DIS3L2: variants seen among roughly 807,000 people sequenced by gnomAD.
The protein encoded by DIS3L2 is DIS3 like 3'-5' exoribonuclease 2.
In DIS3L2, 34 loss-of-function variants were observed where a neutral mutation model predicts 97.5. That is an observed-to-expected ratio of 0.35 (90% confidence interval 0.27 to 0.46). The LOEUF (loss-of-function observed/expected upper bound fraction) is 0.46. Among genes scored for constraint, DIS3L2 ranks in the 20% least tolerant of loss-of-function variants. The probability of loss-of-function intolerance (pLI) is 1.00; values close to 1 mark genes in which losing one functional copy is unlikely to be tolerated. For synonymous variants in DIS3L2, 435 were observed against 445.2 expected, an observed-to-expected ratio of 0.98 and a Z score of 0.29; for missense variants, 1,038 against 1,146.0, an observed-to-expected ratio of 0.91 and a Z score of 1.36.
intron 10 of DIS3L2, among the ~76,000 whole-genome samples, chr2:232,211,103 C>G: frequency 6.6e-6 from 1 of 151,900 alleles, no homozygotes; most frequent in Non-Finnish European, 1.5e-5. Flanking sequence ...GTGAACCCTT[C>G]CAATCCCTCC....
At chr2:232,189,886 C>T (rs868070694) in intron 9 of DIS3L2, among the ~76,000 whole-genome samples, 41 of 152,022 alleles carry the variant, frequency 2.7e-4, no homozygotes, top group Admixed American at 6.6e-5. Context: ...ATTATCGCAA[C>T]ATAAAAGATT....
At chr2:232,182,732 A>G (rs1381912244) in intron 9 of DIS3L2, among the ~76,000 whole-genome samples, 1 of 151,912 alleles carries the variant, frequency 6.6e-6, no homozygotes, top group Non-Finnish European at 1.5e-5. Context: ...TAGTTTGGCT[A>G]CTCCAGCTCT....
In DIS3L2 at chr2:231,991,332, G is replaced by A. The variant is rs1258026132; in HGVS notation, c.-93-23503G>A. Among the ~76,000 whole-genome samples the A allele has an allele frequency of 2.0e-5, 3 of 152,210 alleles. No homozygotes were observed. The East Asian group carries it at 5.8e-4, about 29-fold the overall frequency. ...CTGTCTCCTAGGCTGGAGTGCAATG[G>A]CACTATCATAGCTTACTGCACTCTT... On this transcript the variant is annotated intron_variant, in intron 1 of 20. Transcript: ENST00000325385.
At chr2:232,286,922 G>A (rs1012505401) in intron 13 of DIS3L2, among the ~76,000 whole-genome samples, 1 of 152,150 alleles carries the variant, frequency 6.6e-6, no homozygotes, top group Non-Finnish European at 1.5e-5. Context: ...TGGGATTACA[G>A]GCGTGAGCCA....
At chr2:232,164,714 C>A (rs1164388699) in intron 9 of DIS3L2, among the ~76,000 whole-genome samples, 1 of 152,132 alleles carries the variant, frequency 6.6e-6, no homozygotes, top group African/African-American at 2.4e-5. Flanking sequence ...TAGTATCTCT[C>A]ATAGAACACA....
At chr2:232,048,801 CATT>C (rs1262758821) in intron 5 of DIS3L2, among the ~76,000 whole-genome samples, 5 of 151,604 alleles carry the variant, frequency 3.3e-5, no homozygotes, top group Middle Eastern at 3.5e-3. Context: ...TGTTTATTAT[CATT>C]GTTGTTATAG....
chr2:232,251,194 CAG>C (rs1482779213), intron 12 of DIS3L2, among the ~76,000 whole-genome samples: 2 of 152,022 alleles, frequency 1.3e-5, no homozygotes, highest in Non-Finnish European at 2.9e-5. Flanking sequence ...AGTAAACAAA[CAG>C]AAAATGAAGT....
intron 9 of DIS3L2, among the ~76,000 whole-genome samples, chr2:232,177,129 A>T (rs1396909656): frequency 1.4e-5 from 2 of 147,266 alleles, no homozygotes; most frequent in African/African-American, 5.0e-5. Flanking sequence ...TACAAAGGAC[A>T]TAAACTCATC....
intron 1 of DIS3L2, among the ~76,000 whole-genome samples, chr2:231,986,285 A>AAACT (rs999606079): frequency 1.7e-4 from 26 of 152,284 alleles, no homozygotes; most frequent in Middle Eastern, 3.4e-3. Flanking sequence ...TTTCCTTAAT[A>AAACT]AACTCCCTTT....
intron 13 of DIS3L2, among the ~76,000 whole-genome samples, chr2:232,342,931 C>T (rs1031006773): frequency 2.0e-5 from 3 of 149,900 alleles, no homozygotes; most frequent in Non-Finnish European, 4.4e-5. Flanking sequence ...TTGCTGGGCA[C>T]AGATCAAAGA....
intron 12 of DIS3L2, among the ~76,000 whole-genome samples, chr2:232,262,883 T>C (rs1693747333): frequency 6.6e-6 from 1 of 152,150 alleles, no homozygotes; most frequent in Non-Finnish European, 1.5e-5. Context: ...CTACTCTCAG[T>C]GTCGACATTG....
chr2:232,200,773 C>A (rs982478104), intron 9 of DIS3L2, among the ~76,000 whole-genome samples: 1 of 149,410 alleles, frequency 6.7e-6, no homozygotes, highest in Non-Finnish European at 1.5e-5. Flanking sequence ...AAACCATTGA[C>A]CAAAAGGTTT....
chr2:232,313,172 A>G (rs1043875469), intron 14 of DIS3L2, among the ~76,000 whole-genome samples: 2 of 152,192 alleles, frequency 1.3e-5, no homozygotes, highest in Admixed American at 1.3e-4. Flanking sequence ...TCCTGATCTC[A>G]AACAGAAGAG....
At chr2:232,136,928 T>C (rs1698376801) in intron 8 of DIS3L2, among the ~76,000 whole-genome samples, 1 of 152,222 alleles carries the variant, frequency 6.6e-6, no homozygotes, top group African/African-American at 2.4e-5. Flanking sequence ...GCAGTCACAT[T>C]CTTGTTTTTG....
At chr2:232,241,222 T>G (rs1423765472) in intron 11 of DIS3L2, among the ~76,000 whole-genome samples, 3 of 152,260 alleles carry the variant, frequency 2.0e-5, no homozygotes, top group African/African-American at 7.2e-5. Flanking sequence ...TCACTTTACT[T>G]TGCCTATAAA....
intron 1 of DIS3L2, among the ~76,000 whole-genome samples, chr2:232,012,579 G>A (rs1184562147): frequency 6.6e-6 from 1 of 151,994 alleles, no homozygotes; most frequent in Non-Finnish European, 1.5e-5. Flanking sequence ...GTCACTAGTG[G>A]TAGCATACCC....
chr2:232,286,656 C>T (rs1453013496), intron 13 of DIS3L2, among the ~76,000 whole-genome samples: 1 of 152,178 alleles, frequency 6.6e-6, no homozygotes, highest in African/African-American at 2.4e-5. Flanking sequence ...CTGTTATTAT[C>T]TCTTTTTTAC....
At chr2:232,008,545 G>C (rs760813545) in intron 1 of DIS3L2, among the ~76,000 whole-genome samples, 24 of 152,022 alleles carry the variant, frequency 1.6e-4, no homozygotes, top group Admixed American at 1.6e-3. Flanking sequence ...CACTCCACAC[G>C]CCAACAAAAT....
At chr2:232,258,010 C>T (rs1341977886) in intron 12 of DIS3L2, among the ~76,000 whole-genome samples, 1 of 152,178 alleles carries the variant, frequency 6.6e-6, no homozygotes, top group Non-Finnish European at 1.5e-5. Flanking sequence ...CTGAACAATG[C>T]ACTCCTCCCA....
Sources: gnomAD v4.1 joint callset for allele counts (sites outside exome capture counted in the v4.1 genomes callset) on GRCh38, gnomAD v4.1.1 for gene constraint, MANE v1.5 for transcripts, NCBI Gene and HGNC (gene_info 2026-07-23, HGNC 2026-07-21) for gene names.